Variants in CNTNAP2 observed in about 807,000 individuals in gnomAD.
The protein encoded by CNTNAP2 is contactin associated protein 2.
Under a neutral mutation model 155.2 loss-of-function variants are expected in CNTNAP2, and 98 were observed. The observed-to-expected ratio is 0.63, with a 90% CI of 0.54 to 0.75. The LOEUF (loss-of-function observed/expected upper bound fraction) is 0.75. Among genes scored for constraint, CNTNAP2 ranks in the 30% least tolerant of loss-of-function variants. The pLI, the probability that CNTNAP2 is intolerant of heterozygous loss-of-function variation, is 0.00. For missense variants in CNTNAP2, 1,727 were observed against 1,688.1 expected (o/e 1.02, Z -0.40); for synonymous variants, 651 against 631.2 (o/e 1.03, Z -0.47).
At chr7:147,489,337 A>G (rs1798565187) in intron 11 of CNTNAP2, among the ~76,000 whole-genome samples, 2 of 152,262 alleles carry the variant, frequency 1.3e-5, no homozygotes, top group Admixed American at 6.5e-5. Context: ...CAAAGATCAC[A>G]GAAGATAGTC....
At chr7:147,735,940 G>A (rs977550662) in intron 13 of CNTNAP2, among the ~76,000 whole-genome samples, 2 of 150,140 alleles carry the variant, frequency 1.3e-5, no homozygotes, top group Non-Finnish European at 3.0e-5. Flanking sequence ...TGGGTTTCCT[G>A]AATACAGCAC....
intron 21 of CNTNAP2, among the ~76,000 whole-genome samples, chr7:148,276,565 C>G (rs1203222278): frequency 5.9e-5 from 9 of 152,222 alleles, no homozygotes; most frequent in Admixed American, 2.0e-4. Context: ...GTGCAGATGA[C>G]AGCGAATCGC....
chr7:147,055,461 CTG>C (rs143096668), intron 4 of CNTNAP2, among the ~76,000 whole-genome samples: 9,237 of 152,246 alleles, frequency 0.061, 738 homozygotes, highest in African/African-American at 0.18. Flanking sequence ...GCTTGTCCCT[CTG>C]TTTTAATTAC....
rs966412320 is a variant in CNTNAP2 at position 146,953,306 on chromosome 7, A to G, written c.403-90601A>G. ...ACTATAGTAGAATGTATGTGTACTT[A>G]GGAATCACATATGTATCATTTAGTG... On this transcript the variant is annotated intron_variant, in intron 3 of 23. Coordinates refer to ENST00000361727, the MANE Select transcript of CNTNAP2 (RefSeq NM_014141.6). Among the ~76,000 whole-genome samples the G allele has an allele frequency of 6.6e-5, 10 of 152,166 alleles. No individual in the cohort carries two copies. In the East Asian group the frequency reaches 1.9e-3, roughly 29 times the overall value.
chr7:147,970,374 C>T (rs1217856452), intron 14 of CNTNAP2, among the ~76,000 whole-genome samples: 2 of 152,112 alleles, frequency 1.3e-5, no homozygotes, highest in African/African-American at 2.4e-5. Flanking sequence ...TTTCTAAACA[C>T]TTGCTATGGA....
At chr7:146,543,887 C>T (rs1797990476) in intron 1 of CNTNAP2, among the ~76,000 whole-genome samples, 3 of 151,794 alleles carry the variant, frequency 2.0e-5, no homozygotes, top group Middle Eastern at 3.2e-3. Flanking sequence ...TTTATTCATT[C>T]ATTAAAAAAC....
intron 1 of CNTNAP2, among the ~76,000 whole-genome samples, chr7:146,397,517 CTGCAGATATTACT>C (rs1035205355): frequency 7.9e-5 from 12 of 152,144 alleles, no homozygotes; most frequent in African/African-American, 2.9e-4. Context: ...CAAATGAAAG[CTGCAGATATTACT>C]TGTGAAAGTT....
At chr7:146,754,063 G>A (rs948608688) in intron 1 of CNTNAP2, among the ~76,000 whole-genome samples, 9 of 151,922 alleles carry the variant, frequency 5.9e-5, no homozygotes, top group African/African-American at 1.9e-4. Flanking sequence ...TAGCAACATT[G>A]GCTTTCCTGC....
intron 1 of CNTNAP2, among the ~76,000 whole-genome samples, chr7:146,760,474 G>A (rs1802078037): frequency 8.4e-6 from 1 of 119,476 alleles, no homozygotes; most frequent in Non-Finnish European, 1.6e-5. Flanking sequence ...GCCCAAGCTG[G>A]AATGCAGTGG....
At chr7:148,195,278 T>C (rs900224066) in intron 18 of CNTNAP2, among the ~76,000 whole-genome samples, 1 of 152,224 alleles carries the variant, frequency 6.6e-6, no homozygotes, top group Non-Finnish European at 1.5e-5. Flanking sequence ...TGGTAAGTAT[T>C]TGATGAATGA....
intron 2 of CNTNAP2, among the ~76,000 whole-genome samples, chr7:146,776,534 A>G (rs1802393122): frequency 1.3e-5 from 2 of 152,206 alleles, no homozygotes; most frequent in African/African-American, 2.4e-5. Flanking sequence ...CTATAGTTGT[A>G]GGAGAGAGTA....
chr7:147,309,946 C>A (rs1795092670), intron 9 of CNTNAP2, among the ~76,000 whole-genome samples: 1 of 151,924 alleles, frequency 6.6e-6, no homozygotes. Flanking sequence ...CAATCTAATT[C>A]CCAAAGAACT....
intron 13 of CNTNAP2, among the ~76,000 whole-genome samples, chr7:147,827,963 A>G (rs1858673822): frequency 1.3e-5 from 2 of 152,192 alleles, no homozygotes; most frequent in African/African-American, 4.8e-5. Context: ...TCCTATTCTT[A>G]TGATTTCTGA....
At chr7:148,320,376 C>CTTTTTTTT (rs67424217) in intron 21 of CNTNAP2, among the ~76,000 whole-genome samples, 6 of 63,386 alleles carry the variant, frequency 9.5e-5, no homozygotes, top group East Asian at 1.2e-3. Flanking sequence ...ATTTTTTTTT[C>CTTTTTTTT]TTTTTTTTTT....
At chr7:147,514,780 C>G (rs1251405060) in intron 11 of CNTNAP2, among the ~76,000 whole-genome samples, 1 of 152,126 alleles carries the variant, frequency 6.6e-6, no homozygotes, top group Admixed American at 6.5e-5. Flanking sequence ...TCACAACCCA[C>G]GTCTACCCCA....
chr7:147,034,207 C>A (rs1799101145), intron 3 of CNTNAP2, among the ~76,000 whole-genome samples: 1 of 152,162 alleles, frequency 6.6e-6, no homozygotes, highest in Non-Finnish European at 1.5e-5. Context: ...TGCCTTTTAG[C>A]AAGCTAATGA....
At chr7:146,671,604 A>C (rs1368487956) in intron 1 of CNTNAP2, among the ~76,000 whole-genome samples, 2 of 152,278 alleles carry the variant, frequency 1.3e-5, no homozygotes, top group East Asian at 3.9e-4. Context: ...CCCATACATA[A>C]AAGTGATAGT....
At chr7:146,189,662 A>G (rs1201189925) in intron 1 of CNTNAP2, among the ~76,000 whole-genome samples, 2 of 152,204 alleles carry the variant, frequency 1.3e-5, no homozygotes, top group Non-Finnish European at 2.9e-5. Context: ...ACCTTTTAGC[A>G]AGAAAGTAAA....
intron 9 of CNTNAP2, among the ~76,000 whole-genome samples, chr7:147,353,629 T>C (rs988468166): frequency 3.3e-5 from 5 of 152,174 alleles, no homozygotes; most frequent in African/African-American, 9.6e-5. Flanking sequence ...GTCTTTAGAG[T>C]AGAACGATTT....
Sources: gnomAD v4.1 joint callset for allele counts (sites outside exome capture counted in the v4.1 genomes callset) on GRCh38, gnomAD v4.1.1 for gene constraint, MANE v1.5 for transcripts, NCBI Gene and HGNC (gene_info 2026-07-23, HGNC 2026-07-21) for gene names.